PRLR: variants seen among roughly 807,000 people sequenced by gnomAD.
The protein encoded by PRLR is hPRL receptor.
Under a neutral mutation model 40.2 loss-of-function variants are expected in PRLR, and 13 were observed. The observed-to-expected ratio is 0.32, with a 90% CI of 0.21 to 0.51. PRLR has a LOEUF of 0.51. PRLR is among the 20% of genes least tolerant of loss of function. The pLI is 0.97. For missense variants in PRLR, 656 were observed against 747.3 expected (o/e 0.88, Z 1.42); for synonymous variants, 269 against 278.7 (o/e 0.97, Z 0.35).
At chr5:35,154,423 C>G (rs948083872) in intron 1 of PRLR, among the ~76,000 whole-genome samples, 5 of 152,056 alleles carry the variant, frequency 3.3e-5, no homozygotes, top group African/African-American at 9.7e-5. Flanking sequence ...TTTAACTTAT[C>G]TATTTATGTA....
In PRLR at chr5:35,089,630, C is replaced by T; in HGVS notation, c.-10G>A. ...CCACATTTTCCTTCATGTTGGCTGC[C>T]TTCTCTTGCTGCAGGAAATGTATCA... On this transcript the variant is annotated 5_prime_UTR_variant, in exon 3 of 10. Transcript: ENST00000618457. 6.2e-7 allele frequency: 1 copy of T among 1,613,886 alleles called. No homozygotes were observed. Among genetic ancestry groups the T allele is most frequent in the South Asian group, 1.1e-5 (1 of 91,056 alleles).
At position 35,066,206 on chromosome 5, in the gene PRLR, G is replaced by A. The variant is rs529917658; in HGVS notation, c.856-104C>T. 40 of 1,136,338 alleles carry A rather than the reference G, an allele frequency of 3.5e-5. No homozygotes were observed. The African/African-American group carries it at 6.1e-4, about 17-fold the overall frequency. The allele number at this position is 1,136,338 out of a possible 1,614,324, so 70.4% of individuals were successfully genotyped here. ...GTTCATTGCCACAAGCAGGTGGGAA[G>A]ATCTCAAACTTCAGACATTTGTGTG... On this transcript the variant is annotated intron_variant, in intron 9 of 9. Coordinates refer to ENST00000618457, the MANE Select transcript of PRLR (RefSeq NM_000949.7).
chr5:35,151,689 T>C (rs1774346712), intron 1 of PRLR, among the ~76,000 whole-genome samples: 1 of 152,072 alleles, frequency 6.6e-6, no homozygotes, highest in Admixed American at 6.6e-5. Context: ...CCTGAGAGGG[T>C]TCATGTATAG....
rs1776252506 is a variant in PRLR, at chr5:35,215,019, C to A, written c.-106+15249G>T. Among the ~76,000 whole-genome samples the A allele has an allele frequency of 2.0e-5, 3 of 152,066 alleles. No individual in the cohort carries two copies. In the South Asian group the frequency reaches 6.2e-4, roughly 32 times the overall value. On this transcript the variant is annotated intron_variant, in intron 1 of 9. Transcript: ENST00000618457. ...TCAACTGTGGACCTTAACCCCCTAC[C>A]TATTCCCCCTTCCCCTAACATAAAA...
rs139688937 is a variant in PRLR at position 35,060,001 on chromosome 5, T to G, written c.*5088A>C. ...GGTACGTGTCACCATGGCTGGCTAA[T>G]TTTTAAAATTTTTGTAGAGACTGGG... On this transcript the variant is annotated 3_prime_UTR_variant, in exon 10 of 10. Coordinates refer to ENST00000618457, the MANE Select transcript of PRLR (RefSeq NM_000949.7). 6.6e-6 allele frequency: 1 copy of G among 152,206 alleles called. No individual in the cohort carries two copies. Among genetic ancestry groups the G allele is most frequent in the East Asian group, 1.9e-4 (1 of 5,196 alleles). 9.4% of individuals were successfully genotyped at this position (152,206 alleles called of 1,614,324 possible).
chr5:35,050,060 G>T (rs375873620), intron 8 of PRLR, among the ~76,000 whole-genome samples: 2 of 151,952 alleles, frequency 1.3e-5, no homozygotes, highest in South Asian at 4.2e-4. Flanking sequence ...GCTACTCCAT[G>T]CCCAGCTAAT....
intron 1 of PRLR, among the ~76,000 whole-genome samples, chr5:35,181,003 G>A (rs1045132191): frequency 6.6e-6 from 1 of 152,142 alleles, no homozygotes; most frequent in East Asian, 1.9e-4. Flanking sequence ...GTTTTTGAAA[G>A]CAGTTGTACA....
intron 1 of PRLR, among the ~76,000 whole-genome samples, chr5:35,214,617 GGT>G (rs1038364444): frequency 6.6e-6 from 1 of 152,116 alleles, no homozygotes; most frequent in African/African-American, 2.4e-5. Flanking sequence ...ATTTCTCAGT[GGT>G]ACAGGCTTGA....
intron 1 of PRLR, among the ~76,000 whole-genome samples, chr5:35,121,214 C>G (rs1484921697): frequency 6.6e-6 from 1 of 152,126 alleles, no homozygotes; most frequent in Non-Finnish European, 1.5e-5. Context: ...TATAGGGGTT[C>G]AAAGCAAAGG....
chr5:35,101,660 T>C lies in PRLR; in HGVS notation c.-43-11997A>G, dbSNP rs146609603. 6.0e-3 allele frequency among the ~76,000 whole-genome samples: 905 copies of C among 151,568 alleles called. 8 individuals are homozygous for C. Among genetic ancestry groups the C allele is most frequent in the African/African-American group, 0.02 (847 of 41,374 alleles). On this transcript the variant is annotated intron_variant, in intron 2 of 9. Transcript: ENST00000618457. ...TCTGGCATCATCATGTCTAAATATC[T>C]AAAGCACACCCTTTCAGGAATGAAA...
At chr5:35,110,913 A>T (rs1772620563) in intron 2 of PRLR, among the ~76,000 whole-genome samples, 1 of 152,190 alleles carries the variant, frequency 6.6e-6, no homozygotes, top group African/African-American at 2.4e-5. Context: ...CCAAAGCTGG[A>T]TCATGCCCTG....
At chr5:35,049,768 C>T (rs1768421198) in intron 8 of PRLR, among the ~76,000 whole-genome samples, 1 of 152,070 alleles carries the variant, frequency 6.6e-6, no homozygotes, top group African/African-American at 2.4e-5. Flanking sequence ...CTGTACTTGA[C>T]TAATTATTTT....
At chr5:35,102,998 A>G (rs1771996819) in intron 2 of PRLR, among the ~76,000 whole-genome samples, 1 of 152,230 alleles carries the variant, frequency 6.6e-6, no homozygotes, top group Admixed American at 6.5e-5. Flanking sequence ...AAAAAACCCA[A>G]TAACTAAATT....
At chr5:35,162,990 A>G (rs901774122) in intron 1 of PRLR, among the ~76,000 whole-genome samples, 1 of 152,148 alleles carries the variant, frequency 6.6e-6, no homozygotes, top group African/African-American at 2.4e-5. Flanking sequence ...CTTTTGAGAC[A>G]GCCAGGTGGG....
intron 1 of PRLR, among the ~76,000 whole-genome samples, chr5:35,174,088 T>G (rs1277937051): frequency 1.2e-4 from 7 of 58,566 alleles, no homozygotes; most frequent in Non-Finnish European, 3.1e-5. Flanking sequence ...GGGTGTTCGG[T>G]TTTTTTTTTT....
chr5:35,071,269 C>T (rs1769729894), intron 6 of PRLR, among the ~76,000 whole-genome samples: 1 of 152,098 alleles, frequency 6.6e-6, no homozygotes, highest in South Asian at 2.1e-4. Context: ...GTGGGATACT[C>T]TATGGGACAA....
intron 1 of PRLR, among the ~76,000 whole-genome samples, chr5:35,160,461 T>C (rs577928403): frequency 6.6e-6 from 1 of 152,186 alleles, no homozygotes; most frequent in Non-Finnish European, 1.5e-5. Context: ...GAGGCCAAGA[T>C]AACTTTGGAA....
chr5:35,176,670 C>T (rs1775156673), intron 1 of PRLR, among the ~76,000 whole-genome samples: 1 of 152,152 alleles, frequency 6.6e-6, no homozygotes, highest in Admixed American at 6.5e-5. Context: ...CCCAGGGACA[C>T]AAAAACTGCG....
At chr5:35,101,147 C>A (rs921977460) in intron 2 of PRLR, among the ~76,000 whole-genome samples, 1 of 152,188 alleles carries the variant, frequency 6.6e-6, no homozygotes, top group Admixed American at 6.5e-5. Context: ...CCAGAACAAT[C>A]TCAGTTTGGC....
Sources: allele counts gnomAD v4.1 joint callset (sites outside exome capture counted in the v4.1 genomes callset), GRCh38; gene constraint gnomAD v4.1.1; transcripts MANE v1.5; gene names NCBI Gene and HGNC (gene_info 2026-07-23, HGNC 2026-07-21).